The following COL5A2 variants were observed in gnomAD, a reference collection of about 807,000 sequenced individuals.
COL5A2 encodes collagen alpha-2(V) chain.
Under a neutral mutation model 208.2 loss-of-function variants are expected in COL5A2, and 23 were observed. The ratio of observed to expected loss-of-function variants is 0.11; its 90% CI spans 0.08 to 0.16. The LOEUF (loss-of-function observed/expected upper bound fraction) is 0.16, where lower values mean the gene tolerates loss of function less well. Ranked by LOEUF, COL5A2 falls within the 10% of genes least tolerant of loss-of-function variation. COL5A2 has a pLI of 1.00. For synonymous variants in COL5A2, 625 were observed against 628.5 expected (o/e 0.99, Z 0.08); for missense variants, 1,590 against 1,956.4 (o/e 0.81, Z 3.53).
intron 1 of COL5A2, among the ~76,000 whole-genome samples, chr2:189,170,739 C>T (rs1360133821): frequency 6.6e-6 from 1 of 151,318 alleles, no homozygotes; most frequent in Non-Finnish European, 1.5e-5. Flanking sequence ...ACTCTTGGCA[C>T]TCTTAGGTAA....
the COL5A2 span, among the ~76,000 whole-genome samples, chr2:189,396,127 T>C: frequency 6.6e-6 from 1 of 152,210 alleles, no homozygotes; most frequent in Non-Finnish European, 1.5e-5. Flanking sequence ...TTCTCACTAG[T>C]GTTGGCTTAA....
chr2:189,407,213 GT>G, the COL5A2 span, among the ~76,000 whole-genome samples: 2 of 151,730 alleles, frequency 1.3e-5, no homozygotes, highest in Admixed American at 6.6e-5. Flanking sequence ...ACCTGTAAAG[GT>G]TTTTTTTACA....
chr2:189,114,807 G>A (rs765216091), intron 1 of COL5A2, among the ~76,000 whole-genome samples: 6 of 151,734 alleles, frequency 4.0e-5, no homozygotes, highest in Admixed American at 6.6e-5. Flanking sequence ...AATGGCACAC[G>A]TTTACCTATG....
intron 1 of COL5A2, among the ~76,000 whole-genome samples, chr2:189,113,570 G>C (rs112296105): frequency 6.7e-6 from 1 of 148,928 alleles, no homozygotes; most frequent in Non-Finnish European, 1.5e-5. Flanking sequence ...ACATTGTGGA[G>C]TGCTATATTT....
At chr2:189,284,248 T>C in the COL5A2 span, among the ~76,000 whole-genome samples, 1 of 152,218 alleles carries the variant, frequency 6.6e-6, no homozygotes, top group Non-Finnish European at 1.5e-5. Context: ...TTATGTTTAA[T>C]ATGGCATCCA....
At chr2:189,111,591 A>G (rs1337568955) in intron 1 of COL5A2, among the ~76,000 whole-genome samples, 1 of 149,072 alleles carries the variant, frequency 6.7e-6, no homozygotes, top group East Asian at 2.0e-4. Context: ...CAAAAATTAG[A>G]CTTCCTTTAC....
the COL5A2 span, among the ~76,000 whole-genome samples, chr2:189,346,697 C>G: frequency 1.2e-3 from 185 of 152,162 alleles, no homozygotes; most frequent in African/African-American, 4.3e-3. Context: ...ACTGGTTTCA[C>G]AGGTGTCAGA....
intron 1 of COL5A2, among the ~76,000 whole-genome samples, chr2:189,207,003 A>G (rs1054526253): frequency 6.6e-6 from 1 of 152,244 alleles, no homozygotes; most frequent in Non-Finnish European, 1.5e-5. Context: ...ACTTTTAAGA[A>G]TAACAAATGT....
intron 1 of COL5A2, among the ~76,000 whole-genome samples, chr2:189,185,481 G>C (rs1157041935): frequency 6.6e-6 from 1 of 152,178 alleles, no homozygotes; most frequent in Admixed American, 6.5e-5. Flanking sequence ...GAAGCAGAAA[G>C]ATTCAGGATG....
intron 1 of COL5A2, among the ~76,000 whole-genome samples, chr2:189,148,072 G>A (rs754514638): frequency 1.3e-5 from 2 of 152,080 alleles, no homozygotes; most frequent in Non-Finnish European, 2.9e-5. Context: ...CTTCTTTGTG[G>A]AAAATGCACT....
the COL5A2 span, among the ~76,000 whole-genome samples, chr2:189,426,799 A>C: frequency 2.0e-5 from 3 of 152,238 alleles, no homozygotes; most frequent in African/African-American, 7.2e-5. Flanking sequence ...TGGCAGAAGA[A>C]ATTTCTAAGC....
chr2:189,270,673 G>T, the COL5A2 span, among the ~76,000 whole-genome samples: 2 of 152,200 alleles, frequency 1.3e-5, no homozygotes, highest in African/African-American at 4.8e-5. Context: ...TCAGACAAGA[G>T]AAAGAAATAA....
At chr2:189,388,452 T>A in the COL5A2 span, among the ~76,000 whole-genome samples, 1 of 151,896 alleles carries the variant, frequency 6.6e-6, no homozygotes, top group Non-Finnish European at 1.5e-5. Flanking sequence ...TGGCATGCAG[T>A]GTGATAGGCA....
At chr2:189,070,285 C>G (rs1277761635) in intron 18 of COL5A2, among the ~76,000 whole-genome samples, 2 of 152,126 alleles carry the variant, frequency 1.3e-5, no homozygotes, top group South Asian at 2.1e-4. Flanking sequence ...AAATTCTAAG[C>G]CTTAGGAATC....
At chr2:189,294,662 C>G in the COL5A2 span, among the ~76,000 whole-genome samples, 3 of 152,128 alleles carry the variant, frequency 2.0e-5, no homozygotes, top group African/African-American at 7.2e-5. Flanking sequence ...ATGTACTGGG[C>G]ACTTTAAATG....
the COL5A2 span, among the ~76,000 whole-genome samples, chr2:189,364,549 T>C: frequency 5.3e-5 from 8 of 152,088 alleles, 1 homozygote; most frequent in South Asian, 1.7e-3. Context: ...TAGCCAGGCG[T>C]GGTGGTGGGC....
chr2:189,104,514 T>C (rs1272990327), intron 2 of COL5A2, among the ~76,000 whole-genome samples: 2 of 151,976 alleles, frequency 1.3e-5, no homozygotes, highest in Non-Finnish European at 2.9e-5. Flanking sequence ...AACATTTATA[T>C]GACATTTAAA....
chr2:189,320,113 T>G, the COL5A2 span, among the ~76,000 whole-genome samples: 2 of 152,166 alleles, frequency 1.3e-5, no homozygotes, highest in East Asian at 3.9e-4. Flanking sequence ...TTCCGACTAT[T>G]AAAAGGAAAA....
At chr2:189,176,674 C>A (rs938353532) in intron 1 of COL5A2, among the ~76,000 whole-genome samples, 1 of 151,734 alleles carries the variant, frequency 6.6e-6, no homozygotes, top group Non-Finnish European at 1.5e-5. Context: ...TTTTGAAGAC[C>A]ACCACCCCAA....
Sources: allele counts gnomAD v4.1 joint callset (sites outside exome capture counted in the v4.1 genomes callset), GRCh38; gene constraint gnomAD v4.1.1; transcripts MANE v1.5; gene names NCBI Gene and HGNC (gene_info 2026-07-23, HGNC 2026-07-21).